Variants in DENND1B observed in about 807,000 individuals in gnomAD.
DENND1B encodes DENN domain containing 1B, also known as DENN domain-containing protein 1B.
In DENND1B, 59 loss-of-function variants were observed where a neutral mutation model predicts 90.1. The observed-to-expected ratio is 0.65, with a 90% confidence interval of 0.53 to 0.81. The LOEUF (loss-of-function observed/expected upper bound fraction) is 0.81. DENND1B is among the 40% of genes least tolerant of loss of function. DENND1B has a pLI of 0.00. For missense variants in DENND1B, 862 were observed against 912.6 expected (o/e 0.94, Z 0.71); for synonymous variants, 337 against 324.6 (o/e 1.04, Z -0.41).
intron 20 of DENND1B, among the ~76,000 whole-genome samples, chr1:197,535,957 A>C (rs1289408972): frequency 6.6e-6 from 1 of 152,094 alleles, no homozygotes. Context: ...ACAATGAACA[A>C]ATAAGCAGAA....
At chr1:197,595,868 T>C (rs1675642966) in intron 13 of DENND1B, among the ~76,000 whole-genome samples, 1 of 152,128 alleles carries the variant, frequency 6.6e-6, no homozygotes, top group Admixed American at 6.6e-5. Context: ...AATTATACCA[T>C]GAGTGGAGAA....
rs144879773 is a variant in DENND1B, at chr1:197,534,134, CTT to C, written c.1515+5828_1515+5829del. 1.3e-5 allele frequency among the ~76,000 whole-genome samples: 2 copies of C among 151,330 alleles called. 1 individual carries two copies. The highest frequency in any genetic ancestry group is 4.9e-5 in the African/African-American group (2 of 41,228). Reference sequence around the variant, plus strand: ...AGTGGGCGAAGGACATGAACAGACACTTCTCAAAACAAATCTTTTAAAAGAAT... The same window carrying C: ...AGTGGGCGAAGGACATGAACAGACACCTCAAAACAAATCTTTTAAAAGAAT... On this transcript the variant is annotated intron_variant, in intron 20 of 22. Coordinates refer to ENST00000620048, the MANE Select transcript of DENND1B (RefSeq NM_001195215.2).
chr1:197,539,825 A>C (rs538406158), intron 20 of DENND1B, 139 bp downstream of exon 20: 2 of 666,122 alleles, frequency 3.0e-6, no homozygotes, highest in Admixed American at 2.9e-5. Flanking sequence ...CCCAGGTTCC[A>C]CTAACTCCTC....
intron 5 of DENND1B, among the ~76,000 whole-genome samples, chr1:197,670,899 A>G (rs910146551): frequency 1.3e-5 from 2 of 152,134 alleles, no homozygotes; most frequent in Non-Finnish European, 2.9e-5. Flanking sequence ...TGTAAGTTTT[A>G]AGCACAATTT....
intron 5 of DENND1B, among the ~76,000 whole-genome samples, chr1:197,660,900 G>A (rs1367335032): frequency 6.6e-6 from 1 of 152,052 alleles, no homozygotes; most frequent in Non-Finnish European, 1.5e-5. Context: ...GGAATACACG[G>A]ATGTAGGAGG....
At chr1:197,588,768 T>G (rs1674930514) in intron 14 of DENND1B, among the ~76,000 whole-genome samples, 1 of 152,168 alleles carries the variant, frequency 6.6e-6, no homozygotes, top group Non-Finnish European at 1.5e-5. Context: ...TATTATTATG[T>G]AAGATACAGC....
At chr1:197,737,886 A>G (rs1220373096) in intron 2 of DENND1B, among the ~76,000 whole-genome samples, 4 of 152,204 alleles carry the variant, frequency 2.6e-5, no homozygotes, top group Admixed American at 1.3e-4. Flanking sequence ...CACCTTGAGG[A>G]AATAAAGCAT....
At chr1:197,612,961 T>C (rs1677310551) in intron 11 of DENND1B, among the ~76,000 whole-genome samples, 2 of 150,864 alleles carry the variant, frequency 1.3e-5, no homozygotes, top group African/African-American at 4.8e-5. Context: ...AATTGACAGA[T>C]ATCTACGAAG....
chr1:197,560,440 G>C (rs918360263), intron 15 of DENND1B, among the ~76,000 whole-genome samples: 7 of 151,840 alleles, frequency 4.6e-5, no homozygotes, highest in African/African-American at 1.7e-4. Flanking sequence ...TAGAGAATAA[G>C]ATAGACTTCC....
At chr1:197,535,825 A>C (rs182580985) in intron 20 of DENND1B, among the ~76,000 whole-genome samples, 1 of 152,130 alleles carries the variant, frequency 6.6e-6, no homozygotes, top group South Asian at 2.1e-4. Context: ...AGCTGATTAC[A>C]TTCTTCCTTA....
At position 197,772,049 on chromosome 1, in the gene DENND1B, A is replaced by G. The variant is rs547754635; in HGVS notation, c.82+819T>C. Among the ~76,000 whole-genome samples the G allele has an allele frequency of 1.4e-3, 220 of 152,278 alleles. 1 individual carries two copies. Among genetic ancestry groups the G allele is most frequent in the African/African-American group, 5.1e-3 (211 of 41,568 alleles). ...CTGAAACCCTTCCAAGTAATTTCAC[A>G]CTATCGTTTACCTCCCTGCAAAAGT... On this transcript the variant is annotated intron_variant, in intron 2 of 22. Coordinates refer to ENST00000620048, the MANE Select transcript of DENND1B (RefSeq NM_001195215.2).
At chr1:197,739,060 A>T (rs1662975155) in intron 2 of DENND1B, among the ~76,000 whole-genome samples, 1 of 152,230 alleles carries the variant, frequency 6.6e-6, no homozygotes, top group Non-Finnish European at 1.5e-5. Context: ...AGTGCTGATG[A>T]TCAGTGCACA....
At position 197,610,990 on chromosome 1, in the gene DENND1B, G is replaced by A. The variant is rs145966615; in HGVS notation, c.819+941C>T. On this transcript the variant is annotated intron_variant, in intron 12 of 22. Transcript: ENST00000620048. Reference sequence around the variant, plus strand: ...CACAACCTGGACCTCCTAAAGGGGCGTGACTCTTTCCCAATATGATCCTCA... The same window carrying A: ...CACAACCTGGACCTCCTAAAGGGGCATGACTCTTTCCCAATATGATCCTCA... Among the ~76,000 whole-genome samples, 48 of 150,808 alleles carry A rather than the reference G, an allele frequency of 3.2e-4. No individual in the cohort carries two copies. In the East Asian group the frequency reaches 8.0e-3, roughly 25 times the overall value.
chr1:197,672,888 A>T (rs1420698051), intron 4 of DENND1B, among the ~76,000 whole-genome samples: 1 of 152,018 alleles, frequency 6.6e-6, no homozygotes, highest in Non-Finnish European at 1.5e-5. Context: ...TTCTATTTAA[A>T]ATATATGAAT....
intron 2 of DENND1B, among the ~76,000 whole-genome samples, chr1:197,727,820 A>T (rs918938849): frequency 6.6e-6 from 1 of 152,186 alleles, no homozygotes; most frequent in African/African-American, 2.4e-5. Context: ...CCACTAAAAA[A>T]AGACACATCC....
At chr1:197,707,036 T>TA (rs1659606670) in intron 3 of DENND1B, among the ~76,000 whole-genome samples, 1 of 151,976 alleles carries the variant, frequency 6.6e-6, no homozygotes, top group African/African-American at 2.4e-5. Context: ...ATGAATGGAT[T>TA]AAAAAATATG....
At chr1:197,529,057 A>G (rs1465054823) in intron 20 of DENND1B, among the ~76,000 whole-genome samples, 1 of 151,636 alleles carries the variant, frequency 6.6e-6, no homozygotes, top group East Asian at 1.9e-4. Context: ...AAGTGAGAGT[A>G]TTTATCAACA....
intron 15 of DENND1B, among the ~76,000 whole-genome samples, chr1:197,573,333 T>C (rs887730611): frequency 1.3e-5 from 2 of 152,196 alleles, no homozygotes; most frequent in Non-Finnish European, 2.9e-5. Context: ...GATTCTGGTA[T>C]GTTGTGTCTT....
intron 13 of DENND1B, among the ~76,000 whole-genome samples, chr1:197,604,267 C>T (rs754559154): frequency 4.0e-5 from 6 of 150,928 alleles, no homozygotes; most frequent in Non-Finnish European, 8.9e-5. Flanking sequence ...TGTCAGAAGA[C>T]AGGAAAAGAG....
Sources: allele counts gnomAD v4.1 joint callset (sites outside exome capture counted in the v4.1 genomes callset), GRCh38; gene constraint gnomAD v4.1.1; transcripts MANE v1.5; gene names NCBI Gene and HGNC (gene_info 2026-07-23, HGNC 2026-07-21).